SYT1: variants seen among roughly 807,000 people sequenced by gnomAD.
SYT1 encodes synaptotagmin 1.
In SYT1, 8 loss-of-function variants were observed where a neutral mutation model predicts 44.8. That is an observed-to-expected ratio of 0.18 (90% CI 0.10 to 0.32). The LOEUF (loss-of-function observed/expected upper bound fraction) is 0.32, where lower values mean the gene tolerates loss of function less well. SYT1 is among the 10% of genes least tolerant of loss of function. SYT1 has a pLI of 1.00. For missense variants in SYT1, 286 were observed against 509.3 expected, an observed-to-expected ratio of 0.56 and a Z score of 4.22; for synonymous variants, 154 against 188.8, an observed-to-expected ratio of 0.82 and a Z score of 1.51.
At chr12:79,255,646 C>T (rs1213796867) in intron 4 of SYT1, among the ~76,000 whole-genome samples, 1 of 152,112 alleles carries the variant, frequency 6.6e-6, no homozygotes, top group African/African-American at 2.4e-5. Flanking sequence ...ACTCTCTTAG[C>T]AAAAAGTAAG....
At chr12:79,432,686 T>G (rs1387494743) in intron 9 of SYT1, among the ~76,000 whole-genome samples, 1 of 152,156 alleles carries the variant, frequency 6.6e-6, no homozygotes. Context: ...CAATCTCAGC[T>G]CACTGCAACC....
At chr12:79,268,167 G>C (rs1384830265) in intron 4 of SYT1, among the ~76,000 whole-genome samples, 1 of 152,108 alleles carries the variant, frequency 6.6e-6, no homozygotes, top group Non-Finnish European at 1.5e-5. Context: ...AGCATAGATT[G>C]TGACTTTGTG....
chr12:79,123,083 A>G (rs1868306293), intron 3 of SYT1, among the ~76,000 whole-genome samples: 1 of 152,238 alleles, frequency 6.6e-6, no homozygotes, highest in South Asian at 2.1e-4. Flanking sequence ...TGATGGAAAG[A>G]ATAAAATATC....
At chr12:79,038,514 T>A (rs1873294764) in intron 2 of SYT1, among the ~76,000 whole-genome samples, 1 of 151,872 alleles carries the variant, frequency 6.6e-6, no homozygotes, top group African/African-American at 2.4e-5. Flanking sequence ...GCTTACTGAC[T>A]GCTGTTCCAA....
chr12:79,142,161 G>A (rs891734085), intron 3 of SYT1, among the ~76,000 whole-genome samples: 6 of 152,142 alleles, frequency 3.9e-5, no homozygotes, highest in African/African-American at 7.2e-5. Context: ...AATGATTAAC[G>A]CACAGACATT....
At chr12:78,987,293 T>A (rs752343714) in intron 2 of SYT1, among the ~76,000 whole-genome samples, 8 of 152,010 alleles carry the variant, frequency 5.3e-5, no homozygotes, top group Non-Finnish European at 1.0e-4. Context: ...TACACTTTAA[T>A]TCAAAATGGT....
At chr12:79,213,694 G>A (rs933091489) in intron 3 of SYT1, among the ~76,000 whole-genome samples, 5 of 152,210 alleles carry the variant, frequency 3.3e-5, no homozygotes, top group Non-Finnish European at 7.3e-5. Context: ...GGAGGCCGAA[G>A]CGGGCGGATC....
intron 8 of SYT1, among the ~76,000 whole-genome samples, chr12:79,346,749 T>C (rs760719316): frequency 1.2e-4 from 18 of 152,194 alleles, no homozygotes; most frequent in Non-Finnish European, 2.2e-4. Flanking sequence ...GTTAAAGCAC[T>C]AACATCAGTG....
At chr12:79,042,459 A>G (rs1873660344) in intron 2 of SYT1, among the ~76,000 whole-genome samples, 1 of 146,510 alleles carries the variant, frequency 6.8e-6, no homozygotes, top group African/African-American at 2.5e-5. Context: ...TTTCTGTGGG[A>G]TCGGTGGTGA....
At chr12:79,295,937 A>T (rs973962704) in intron 6 of SYT1, 132 bp from the exon 7 acceptor site, 1 of 1,056,946 alleles carries the variant, frequency 9.5e-7, no homozygotes, top group African/African-American at 1.6e-5. Context: ...TCAGATTCAT[A>T]AGAGAATCAG....
chr12:79,060,231 G>A lies in SYT1; in HGVS notation c.-18+12869G>A, dbSNP rs73353517. 4.8e-3 allele frequency among the ~76,000 whole-genome samples: 734 copies of A among 151,872 alleles called. 7 individuals are homozygous for A. The highest frequency in any genetic ancestry group is 0.017 in the African/African-American group (695 of 41,442). ...ACTTTTTTTCAGAAAAGTTATCCAC[G>A]TCCCCAAACAAAACCTACGTCCCTG... On this transcript the variant is annotated intron_variant, in intron 3 of 10. Transcript: ENST00000261205.
intron 9 of SYT1, among the ~76,000 whole-genome samples, chr12:79,375,713 T>C (rs866731685): frequency 2.0e-5 from 3 of 152,254 alleles, no homozygotes; most frequent in Non-Finnish European, 4.4e-5. Flanking sequence ...TTGCTCATAG[T>C]GTCACAACTG....
intron 1 of SYT1, among the ~76,000 whole-genome samples, chr12:78,930,189 T>C (rs1877557154): frequency 6.6e-6 from 1 of 152,132 alleles, no homozygotes. Context: ...AAAAAATCAG[T>C]TGCTGAGGTG....
intron 1 of SYT1, among the ~76,000 whole-genome samples, chr12:78,913,554 G>T (rs1479761796): frequency 6.6e-6 from 1 of 151,730 alleles, no homozygotes; most frequent in Non-Finnish European, 1.5e-5. Context: ...ATCCTGTAAT[G>T]AGGTCAGTGA....
intron 2 of SYT1, among the ~76,000 whole-genome samples, chr12:79,018,625 T>C (rs561324917): frequency 4.6e-4 from 70 of 152,158 alleles, no homozygotes; most frequent in African/African-American, 1.7e-3. Flanking sequence ...CAAACCTAAG[T>C]CCTATAAAGG....
intron 3 of SYT1, among the ~76,000 whole-genome samples, chr12:79,130,380 A>G (rs1868731921): frequency 1.3e-5 from 2 of 152,226 alleles, no homozygotes; most frequent in African/African-American, 4.8e-5. Flanking sequence ...CATCCTATGC[A>G]TTATATTGTC....
intron 1 of SYT1, among the ~76,000 whole-genome samples, chr12:78,973,939 AT>A (rs376778626): frequency 0.11 from 1,231 of 11,040 alleles, 160 homozygotes; most frequent in Middle Eastern, 0.5. Flanking sequence ...AAAAAAAAAA[AT>A]ATATATATAT....
chr12:79,365,623 A>G (rs997487888), intron 9 of SYT1, among the ~76,000 whole-genome samples: 4 of 152,108 alleles, frequency 2.6e-5, no homozygotes, highest in Non-Finnish European at 4.4e-5. Flanking sequence ...GCAATAGGAG[A>G]AAGTCTCTAT....
intron 3 of SYT1, among the ~76,000 whole-genome samples, chr12:79,122,325 T>C (rs1309865046): frequency 1.3e-5 from 2 of 150,940 alleles, no homozygotes; most frequent in Admixed American, 6.6e-5. Context: ...CCATCCTGGC[T>C]AACACGGTGA....
Sources: gnomAD v4.1 joint callset for allele counts (sites outside exome capture counted in the v4.1 genomes callset) on GRCh38, gnomAD v4.1.1 for gene constraint, MANE v1.5 for transcripts, NCBI Gene and HGNC (gene_info 2026-07-23, HGNC 2026-07-21) for gene names.